The following ARGLU1 variants were observed in gnomAD, a reference collection of about 807,000 sequenced individuals.
ARGLU1 encodes arginine and glutamate rich 1, also known as arginine and glutamate-rich protein 1.
ARGLU1 carries 9 observed loss-of-function variants against 37.6 expected under a neutral mutation model. The ratio of observed to expected loss-of-function variants is 0.24; its 90% CI spans 0.14 to 0.42. The LOEUF (loss-of-function observed/expected upper bound fraction) is 0.42. ARGLU1 is among the 10% of genes least tolerant of loss of function. The pLI, the probability that ARGLU1 is intolerant of heterozygous loss-of-function variation, is 1.00. For missense variants in ARGLU1, 211 were observed against 359.2 expected, an observed-to-expected ratio of 0.59 and a Z score of 3.34; for synonymous variants, 166 against 138.5, an observed-to-expected ratio of 1.20 and a Z score of -1.39.
At chr13:106,560,051 GAGA>G (rs1161114619) in intron 1 of ARGLU1, among the ~76,000 whole-genome samples, 2 of 152,206 alleles carry the variant, frequency 1.3e-5, no homozygotes, top group African/African-American at 2.4e-5. Flanking sequence ...CTGAGCTACA[GAGA>G]AGGAGAAATT....
chr13:106,553,507 TA>T (rs917384493), intron 3 of ARGLU1, among the ~76,000 whole-genome samples: 6 of 152,230 alleles, frequency 3.9e-5, no homozygotes, highest in African/African-American at 1.4e-4. Context: ...GATTTACTGT[TA>T]ATTGTCTTTG....
chr13:106,567,746 C>A lies in ARGLU1; in HGVS notation c.174G>T (p.Ser58=). 1 of 1,611,644 alleles carries A rather than the reference C, an allele frequency of 6.2e-7. No homozygotes were observed. The highest frequency in any genetic ancestry group is 8.5e-7 in the Non-Finnish European group (1 of 1,179,116). ...RNRRRESRSR[S]RSTNTAVSRR... ...GGGACACGGCCGTGTTGGTGGAGCG[C>A]GAACGGGACCGCGACTCCCGCCGCC... is the stretch of plus-strand genomic sequence containing the variant. The change falls in exon 1 of 4, where the codon TCG becomes TCT. Residue 58 remains serine (S), a synonymous_variant. Transcript: ENST00000400198. This position sits in a 1 kb window ranked among gnomAD's most constrained non-coding sequence, Gnocchi z 4.3.
At chr13:106,545,075 T>A (rs1283193932) in intron 3 of ARGLU1, among the ~76,000 whole-genome samples, 1 of 152,088 alleles carries the variant, frequency 6.6e-6, no homozygotes, top group Non-Finnish European at 1.5e-5. Flanking sequence ...ACAATTTTAA[T>A]CCCTTCCCCA....
intron 3 of ARGLU1, among the ~76,000 whole-genome samples, chr13:106,546,091 T>C (rs1880382811): frequency 6.6e-6 from 1 of 152,242 alleles, no homozygotes; most frequent in African/African-American, 2.4e-5. Flanking sequence ...AGTTTGTTAC[T>C]TCTTGTTTTA....
chr13:106,558,931 A>G (rs1304879931), intron 2 of ARGLU1: 1 of 985,324 alleles, frequency 1.0e-6, no homozygotes, highest in East Asian at 1.1e-4. Context: ...GAGGGATAAA[A>G]GAAGGAAAAA....
chr13:106,558,074 C>T, intron 2 of ARGLU1: 2 of 984,930 alleles, frequency 2.0e-6, no homozygotes, highest in Non-Finnish European at 2.4e-6. Context: ...CATACATATT[C>T]AAATGATTTT....
At chr13:106,551,285 G>A (rs1274475855) in intron 3 of ARGLU1, among the ~76,000 whole-genome samples, 1 of 152,084 alleles carries the variant, frequency 6.6e-6, no homozygotes, top group Non-Finnish European at 1.5e-5. Flanking sequence ...AAGAAACCAG[G>A]CTGCAACTTC....
chr13:106,552,969 T>C (rs1404721674), intron 3 of ARGLU1, among the ~76,000 whole-genome samples: 3 of 152,224 alleles, frequency 2.0e-5, no homozygotes, highest in Admixed American at 1.3e-4. Flanking sequence ...TTTTCACATA[T>C]GGATGAGCTC....
intron 1 of ARGLU1, among the ~76,000 whole-genome samples, chr13:106,564,125 C>T (rs1880891566): frequency 6.6e-6 from 1 of 152,122 alleles, no homozygotes; most frequent in African/African-American, 2.4e-5. Flanking sequence ...AATTTTGAAC[C>T]ATGTGAACTG....
Position 106,558,931 on chromosome 13 carries a change from AG to A in ARGLU1, c.573+500del, listed in dbSNP as rs1237156386. On this transcript the variant is annotated intron_variant, in intron 2 of 3. Coordinates refer to ENST00000400198, the MANE Select transcript of ARGLU1 (RefSeq NM_018011.4). ...TTTAGGGGAGGGAGTGAGGGATAAAAGAAGGAAAAAAAGAAGAGTGAGAAAA... is the reference window on the plus strand; with the variant it reads ...TTTAGGGGAGGGAGTGAGGGATAAAAAAGGAAAAAAAGAAGAGTGAGAAAA... 8.1e-6 allele frequency: 8 copies of A among 985,442 alleles called. No homozygotes were observed. In the African/African-American group the frequency reaches 1.4e-4, roughly 17 times the overall value. The allele number at this position is 985,442 out of a possible 1,614,324, so 61.0% of individuals were successfully genotyped here.
chr13:106,567,258 C>T lies in ARGLU1; in HGVS notation c.347+315G>A, dbSNP rs1280445070. Among the ~76,000 whole-genome samples, 1 of 152,112 alleles carries T rather than the reference C, an allele frequency of 6.6e-6. No individual in the cohort carries two copies. The highest frequency in any genetic ancestry group is 2.4e-5 in the African/African-American group (1 of 41,416). On this transcript the variant is annotated intron_variant, in intron 1 of 3. Coordinates refer to ENST00000400198, the MANE Select transcript of ARGLU1 (RefSeq NM_018011.4). This position sits in a 1 kb window ranked among gnomAD's most constrained non-coding sequence, Gnocchi z 4.3. ...TCACAAGCCAACGCAGCTCTCCGAC[C>T]TCACTCCGAACTCCACCCCTACTTC... is the stretch of plus-strand genomic sequence containing the variant.
At chr13:106,549,046 C>T (rs145075448) in intron 3 of ARGLU1, among the ~76,000 whole-genome samples, 1,798 of 152,296 alleles carry the variant, frequency 0.012, 32 homozygotes, top group African/African-American at 0.04. Context: ...CCACTGTGCC[C>T]GGCCTCTGCC....
intron 1 of ARGLU1, among the ~76,000 whole-genome samples, chr13:106,560,714 T>C (rs1359381923): frequency 6.6e-6 from 1 of 152,220 alleles, no homozygotes; most frequent in Non-Finnish European, 1.5e-5. Context: ...AATGAATAAA[T>C]TCTGAGGCTC....
At position 106,567,678 on chromosome 13, in the gene ARGLU1, C is replaced by A. The variant is rs1273667385; in HGVS notation, c.242G>T (p.Arg81Leu). 3 of 1,580,094 alleles carry A rather than the reference C, an allele frequency of 1.9e-6. No individual in the cohort carries two copies. The highest frequency in any genetic ancestry group is 1.7e-5 in the Admixed American group (1 of 58,684). ...CACCGTGCGCCCGAAGATGTCGATG[C>A]GGTCGGGCGGGGACGAGGCGCGCTC... ...DRERASSPPD[R>L]IDIFGRTVSK... is the part of the protein sequence containing the mutation. Residue 81 changes from arginine to leucine, a missense_variant, in exon 1 of 4, where the codon CGC becomes CTC. Arg to Leu is a moderately radical substitution (Grantham distance 102). Coordinates refer to ENST00000400198, the MANE Select transcript of ARGLU1 (RefSeq NM_018011.4). The surrounding 1 kb of genome is among the most constrained non-coding windows in gnomAD (Gnocchi z 4.3).
intron 3 of ARGLU1, among the ~76,000 whole-genome samples, chr13:106,551,654 C>T (rs1326341418): frequency 6.6e-6 from 1 of 152,172 alleles, no homozygotes; most frequent in African/African-American, 2.4e-5. Context: ...ATCAGTATCA[C>T]TGGGCTGAAA....
At chr13:106,554,503 C>T (rs541767954) in intron 3 of ARGLU1, among the ~76,000 whole-genome samples, 3 of 152,118 alleles carry the variant, frequency 2.0e-5, no homozygotes, top group Middle Eastern at 3.2e-3. Context: ...CAACGTGTAC[C>T]GTGCCATCTT....
At chr13:106,555,113 T>C (rs1880630308) in intron 3 of ARGLU1, among the ~76,000 whole-genome samples, 1 of 152,136 alleles carries the variant, frequency 6.6e-6, no homozygotes, top group East Asian at 1.9e-4. Context: ...ATCCCAGCAC[T>C]TTGGGAAGCC....
chr13:106,560,066 T>C lies in ARGLU1; in HGVS notation c.348-409A>G, dbSNP rs150717873. Among the ~76,000 whole-genome samples, 28 of 152,314 alleles carry C rather than the reference T, an allele frequency of 1.8e-4. No homozygotes were observed. The East Asian group carries it at 4.1e-3, about 22-fold the overall frequency. On this transcript the variant is annotated intron_variant, in intron 1 of 3. Transcript: ENST00000400198. ...CTGAGCTACAGAGAAGGAGAAATTATGTAGCAGGCAACTCAGATTGGCTGA... is the reference window on the plus strand; with the variant it reads ...CTGAGCTACAGAGAAGGAGAAATTACGTAGCAGGCAACTCAGATTGGCTGA...
chr13:106,548,640 T>G (rs1381778374), intron 3 of ARGLU1, among the ~76,000 whole-genome samples: 1 of 152,168 alleles, frequency 6.6e-6, no homozygotes, highest in Admixed American at 6.5e-5. Flanking sequence ...CTTTCAACTT[T>G]GTACCCCAAG....
Sources: allele counts gnomAD v4.1 joint callset (sites outside exome capture counted in the v4.1 genomes callset), GRCh38; gene constraint gnomAD v4.1.1; non-coding constraint Gnocchi (gnomAD v3.1); transcripts MANE v1.5; gene names NCBI Gene and HGNC (gene_info 2026-07-23, HGNC 2026-07-21).